SPOCD1: variants seen among roughly 807,000 people sequenced by gnomAD.
SPOCD1 encodes SPOC domain-containing protein 1.
Under a neutral mutation model 92.2 loss-of-function variants are expected in SPOCD1, and 64 were observed. The observed-to-expected ratio is 0.69, with a 90% confidence interval of 0.57 to 0.86. The LOEUF is 0.86. Ranked by LOEUF, SPOCD1 falls within the 40% of genes least tolerant of loss-of-function variation. The probability of loss-of-function intolerance (pLI) is 0.00; values close to 1 mark genes in which losing one functional copy is unlikely to be tolerated. For synonymous variants in SPOCD1, 578 were observed against 619.3 expected (o/e 0.93, Z 0.99); for missense variants, 1,360 against 1,543.1 (o/e 0.88, Z 1.99).
chr1:31,799,361 G>T (rs774712519), intron 7 of SPOCD1, 40 bp downstream of exon 7: 2 of 1,550,078 alleles, frequency 1.3e-6, no homozygotes, highest in African/African-American at 1.4e-5. Flanking sequence ...ATGTGAGGGC[G>T]GCCCTTGGGA....
intron 2 of SPOCD1, among the ~76,000 whole-genome samples, chr1:31,813,697 G>A (rs1175262084): frequency 2.0e-5 from 3 of 152,238 alleles, no homozygotes; most frequent in Non-Finnish European, 4.4e-5. Context: ...CAGCTAGGAA[G>A]TGGGCAGAGG....
Position 31,794,134 on chromosome 1 carries a change from G to A in SPOCD1, c.2373C>T (p.His791=). The A allele has an allele frequency of 6.2e-7, 1 of 1,610,838 alleles. No individual in the cohort carries two copies. Among genetic ancestry groups the A allele is most frequent in the Non-Finnish European group, 8.5e-7 (1 of 1,177,202 alleles). Residue 791 remains histidine (H), a synonymous_variant, in exon 11 of 16, where the codon CAC becomes CAT. Transcript: ENST00000360482. ...HDHHFLDPNC[H]ICKDWEPSNE... Reference sequence around the variant, plus strand: ...CGTGTCCCCTCCCACCCTTGCAGATGTGGCAGTTGGGGTCTAAGAAGTGGT... The same window carrying A: ...CGTGTCCCCTCCCACCCTTGCAGATATGGCAGTTGGGGTCTAAGAAGTGGT...
Position 31,814,354 on chromosome 1 carries a change from G to T in SPOCD1, c.980C>A (p.Ala327Glu). ...SAAQAPPQSA[A>E]LCLGASAQAS... ...CTGTGCTGACGCCCCCAGGCACAGT[G>T]CTGCGCTCTGTGGAGGAGCCTGTGC... Residue 327 changes from alanine (A) to glutamate (E), a missense_variant, in exon 2 of 16, where the codon GCA becomes GAA. Physicochemically the swap from Ala to Glu is moderately radical, Grantham distance 107. This residue lies in a region of SPOCD1 where 606 missense variants were observed against 601.5 expected (regional missense o/e 1.01). Coordinates refer to ENST00000360482, the MANE Select transcript of SPOCD1 (RefSeq NM_144569.7). This position sits in a 1 kb window ranked among gnomAD's most constrained non-coding sequence, Gnocchi z 4.2. 2 of 1,600,430 alleles carry T rather than the reference G, an allele frequency of 1.2e-6. No homozygotes were observed. The highest frequency in any genetic ancestry group is 8.5e-7 in the Non-Finnish European group (1 of 1,172,138).
At chr1:31,804,400 A>C (rs983525562) in intron 2 of SPOCD1, among the ~76,000 whole-genome samples, 1 of 152,218 alleles carries the variant, frequency 6.6e-6, no homozygotes. Flanking sequence ...GATCCCATTC[A>C]CCAAAATACC....
chr1:31,791,727 T>C (rs1647608405), intron 15 of SPOCD1, among the ~76,000 whole-genome samples: 1 of 152,146 alleles, frequency 6.6e-6, no homozygotes, highest in South Asian at 2.1e-4. Flanking sequence ...CCTGACTCTG[T>C]CCTGCTGCCT....
chr1:31,796,140 C>G (rs868466994), intron 10 of SPOCD1: 2 of 276,660 alleles, frequency 7.2e-6, no homozygotes, highest in Middle Eastern at 1.3e-3. Context: ...TCCAGGAGGC[C>G]CTCTGGATGG....
At position 31,800,571 on chromosome 1, in the gene SPOCD1, C is replaced by A; in HGVS notation, c.1472G>T (p.Gly491Val). The A allele has an allele frequency of 6.2e-7, 1 of 1,610,588 alleles. No homozygotes were observed. The highest frequency in any genetic ancestry group is 8.5e-7 in the Non-Finnish European group (1 of 1,178,646). Residue 491 changes from glycine (G) to valine (V), a missense_variant, in exon 4 of 16, where the codon GGC becomes GTC. By Grantham distance (109) the Gly-to-Val change is moderately radical (BLOSUM62 -3). Coordinates refer to ENST00000360482, the MANE Select transcript of SPOCD1 (RefSeq NM_144569.7). ...VIQLLGAISH[G>V]QAGGQLPPKL... The stretch of plus-strand genomic sequence containing the variant: ...TGGTGGCAGCTGCCCCCCTGCCTGG[C>A]CGTGGCTGATGGCCCCCAGGAGCTG...
chr1:31,813,331 G>A (rs1649326080), intron 2 of SPOCD1, among the ~76,000 whole-genome samples: 1 of 152,132 alleles, frequency 6.6e-6, no homozygotes, highest in Non-Finnish European at 1.5e-5. Context: ...ACAGTGGTGC[G>A]ATCTCAGCTC....
At chr1:31,793,142 G>A in intron 13 of SPOCD1, 136 bp downstream of exon 13, 1 of 1,129,360 alleles carries the variant, frequency 8.9e-7, no homozygotes, top group Non-Finnish European at 1.2e-6. Context: ...TTGCCCCCAT[G>A]CCCTGCACAG....
intron 2 of SPOCD1, among the ~76,000 whole-genome samples, chr1:31,802,451 G>C (rs762685700): frequency 1.5e-4 from 23 of 152,186 alleles, no homozygotes; most frequent in Non-Finnish European, 2.6e-4. Context: ...GCTAGTATTA[G>C]AACCTAGCTC....
At chr1:31,813,388 C>T (rs1649328906) in intron 2 of SPOCD1, among the ~76,000 whole-genome samples, 1 of 151,372 alleles carries the variant, frequency 6.6e-6, no homozygotes, top group African/African-American at 2.4e-5. Flanking sequence ...CTGCCTCAGC[C>T]TCCAGAGTAG....
At position 31,801,246 on chromosome 1, in the gene SPOCD1, A is replaced by G. The variant is rs139139270; in HGVS notation, c.1425+418T>C. 2.5e-3 allele frequency among the ~76,000 whole-genome samples: 381 copies of G among 152,318 alleles called. 1 individual carries two copies. Among genetic ancestry groups the G allele is most frequent in the African/African-American group, 8.2e-3 (342 of 41,574 alleles). Reference sequence around the variant, plus strand: ...TTTTGCTATGGCTGCCAGGAAGCTCAGTGTTAACTTTGAGCCTGGCAGGTG... The same window carrying G: ...TTTTGCTATGGCTGCCAGGAAGCTCGGTGTTAACTTTGAGCCTGGCAGGTG... On this transcript the variant is annotated intron_variant, in intron 3 of 15. Transcript: ENST00000360482.
At position 31,798,667 on chromosome 1, in the gene SPOCD1, G is replaced by C. The variant is rs1403336310; in HGVS notation, c.1869-66C>G. 1 of 1,554,992 alleles carries C rather than the reference G, an allele frequency of 6.4e-7. No individual in the cohort carries two copies. Among genetic ancestry groups the C allele is most frequent in the Admixed American group, 1.9e-5 (1 of 51,684 alleles). On this transcript the variant is annotated intron_variant, in intron 7 of 15. Coordinates refer to ENST00000360482, the MANE Select transcript of SPOCD1 (RefSeq NM_144569.7). This position sits in a 1 kb window ranked among gnomAD's most constrained non-coding sequence, Gnocchi z 4.1. ...GGCTCTCCAGGCACTTAGTCCCAGA[G>C]GGAGGCAGCTGGGTGGGCGGCAGGG... is the stretch of plus-strand genomic sequence containing the variant.
Position 31,800,471 on chromosome 1 carries a change from C to T in SPOCD1, c.1572G>A (p.Arg524=). The T allele has an allele frequency of 6.2e-7, 1 of 1,608,844 alleles. No homozygotes were observed. Among genetic ancestry groups the T allele is most frequent in the African/African-American group, 1.3e-5 (1 of 74,944 alleles). Residue 524 remains arginine (R), a synonymous_variant, in exon 4 of 16, where the codon AGG becomes AGA. Transcript: ENST00000360482. ...ACCCAGCAGGGCCCTGCACCATGGG[C>T]CTTTTCTTCCTTCTGAGCCTCTGGG... ...SPAQRLRRKK[R]PMVQGPAGCQ...
Position 31,792,251 on chromosome 1 carries a change from GC to G in SPOCD1, c.2925del (p.Gln975HisfsTer85). On this transcript the variant is annotated frameshift_variant, in exon 15 of 16. Transcript: ENST00000360482. LOFTEE classifies it low-confidence loss of function (END_TRUNC). ...AAAGGGCGCAGCCTGGTGGGCAGGG[GC>G]TGGAAGGCAGGCAGGGGCAGCAGGA... ...GMVLLPLPAF[Q>X]PLPTRLRPLG... is the part of the protein sequence containing the mutation. 1 of 1,611,936 alleles carries G rather than the reference GC, an allele frequency of 6.2e-7. No homozygotes were observed. Among genetic ancestry groups the G allele is most frequent in the Non-Finnish European group, 8.5e-7 (1 of 1,179,130 alleles).
intron 2 of SPOCD1, among the ~76,000 whole-genome samples, chr1:31,811,926 C>A (rs1315855080): frequency 6.6e-6 from 1 of 152,194 alleles, no homozygotes; most frequent in African/African-American, 2.4e-5. Flanking sequence ...CAAACCAGCC[C>A]CCTTAAAGGC....
rs751604871 is a variant in SPOCD1 at position 31,798,283 on chromosome 1, T to C, written c.2069A>G (p.Tyr690Cys). 6.2e-7 allele frequency: 1 copy of C among 1,613,896 alleles called. No individual in the cohort carries two copies. Among genetic ancestry groups the C allele is most frequent in the African/African-American group, 1.3e-5 (1 of 75,020 alleles). The change falls in exon 9 of 16, where the codon TAC (tyrosine) becomes TGC (cysteine). Residue 690 changes from tyrosine (Y) to cysteine (C), a missense_variant. By Grantham distance (194) the Tyr-to-Cys change is radical. Transcript: ENST00000360482. This position sits in a 1 kb window ranked among gnomAD's most constrained non-coding sequence, Gnocchi z 4.1. ...LKVVHGDVTP[Y>C]DLVRMSSMQL... ...CATCGAGCTCATCCGCACCAGGTCG[T>C]AGGGGGTGACATCTCCATGAACCAC... is the stretch of plus-strand genomic sequence containing the variant.
intron 2 of SPOCD1, among the ~76,000 whole-genome samples, chr1:31,809,784 C>T (rs1054201749): frequency 2.6e-5 from 4 of 152,174 alleles, no homozygotes; most frequent in Non-Finnish European, 5.9e-5. Context: ...ACAGAAGAAG[C>T]TCTCTCTGTA....
intron 2 of SPOCD1, among the ~76,000 whole-genome samples, chr1:31,802,777 C>T (rs999305895): frequency 1.1e-4 from 17 of 152,140 alleles, no homozygotes; most frequent in African/African-American, 4.1e-4. Context: ...CAGAACAATA[C>T]GTGTGGTGTG....
Sources: allele counts gnomAD v4.1 joint callset (sites outside exome capture counted in the v4.1 genomes callset), GRCh38; gene constraint gnomAD v4.1.1; regional missense constraint gnomAD v4.1.1; non-coding constraint Gnocchi (gnomAD v3.1); transcripts MANE v1.5; gene names NCBI Gene and HGNC (gene_info 2026-07-23, HGNC 2026-07-21).